PSG11: variants seen among roughly 807,000 people sequenced by gnomAD.
PSG11 encodes the protein pregnancy-specific beta-1-glycoprotein 11.
PSG11 carries 42 observed loss-of-function variants against 36.0 expected under a neutral mutation model. That is an observed-to-expected ratio of 1.17 (90% CI 0.91 to 1.51). The LOEUF is 1.51. Among genes scored for constraint, PSG11 ranks in the 40% most tolerant of loss-of-function variants. PSG11 has a pLI of 0.00. For missense variants in PSG11, 558 were observed against 403.5 expected (o/e 1.38, Z -3.28); for synonymous variants, 206 against 153.5 (o/e 1.34, Z -2.53).
chr19:43,023,280 T>C (rs1485658310), intron 2 of PSG11, among the ~76,000 whole-genome samples: 1 of 150,362 alleles, frequency 6.7e-6, no homozygotes, highest in African/African-American at 2.5e-5. Flanking sequence ...TCTAAAGAGG[T>C]TTTGGATCAT....
At chr19:43,019,914 C>T (rs1345368520) in intron 2 of PSG11, among the ~76,000 whole-genome samples, 4 of 151,434 alleles carry the variant, frequency 2.6e-5, no homozygotes, top group African/African-American at 9.7e-5. Flanking sequence ...GGAAGTCTGG[C>T]CCTCATGGAC....
In PSG11 at chr19:43,015,310, A is replaced by C; in HGVS notation, c.770T>G (p.Leu257Arg). Reference sequence around the variant, plus strand: ...AGAGTTTGCGAAGCAGGACAAGTCGAGGTTCTCTCCTGAATAGTAAGAGGT... The same window carrying C: ...AGAGTTTGCGAAGCAGGACAAGTCGCGGTTCTCTCCTGAATAGTAAGAGGT... Reference protein sequence around the residue: ...SVTSYYSGENLDLSCFANSNP... With the variant: ...SVTSYYSGENRDLSCFANSNP... The change falls in exon 4 of 6, where the codon CTC becomes CGC. Residue 257 changes from leucine to arginine, a missense_variant. Physicochemically the swap from Leu to Arg is moderately radical, Grantham distance 102 (BLOSUM62 -2). Coordinates refer to ENST00000320078, the MANE Select transcript of PSG11 (RefSeq NM_002785.3). The C allele has an allele frequency of 6.2e-7, 1 of 1,610,176 alleles. No homozygotes were observed. The highest frequency in any genetic ancestry group is 8.5e-7 in the Non-Finnish European group (1 of 1,177,292).
intron 2 of PSG11, 111 bp downstream of exon 2, chr19:43,024,580 G>C: frequency 6.3e-7 from 1 of 1,577,380 alleles, no homozygotes; most frequent in Admixed American, 1.7e-5. Context: ...CCCAGCATGG[G>C]ACATAATGCA....
Position 43,023,318 on chromosome 19 carries a change from G to C in PSG11, c.430+1373C>G, listed in dbSNP as rs1176304903. On this transcript the variant is annotated intron_variant, in intron 2 of 5. Coordinates refer to ENST00000320078, the MANE Select transcript of PSG11 (RefSeq NM_002785.3). ...ATTTCTTCATTCCATTCCTTCATTT[G>C]TTATGTGAGAGCTCCTGAGTGTGTG... Among the ~76,000 whole-genome samples, 4 of 150,746 alleles carry C rather than the reference G, an allele frequency of 2.7e-5. 1 individual carries two copies. The highest frequency in any genetic ancestry group is 9.8e-5 in the African/African-American group (4 of 40,746).
At position 43,008,438 on chromosome 19, in the gene PSG11, A is replaced by G. The variant is rs564781586; in HGVS notation, c.*41-396T>C. 2.0e-3 allele frequency among the ~76,000 whole-genome samples: 299 copies of G among 150,826 alleles called. 5 individuals carry two copies. Among genetic ancestry groups the G allele is most frequent in the African/African-American group, 7.2e-3 (293 of 40,844 alleles). On this transcript the variant is annotated intron_variant, in intron 5 of 5. Transcript: ENST00000320078. ...CAGGTGCCTGCCACCACACCCAGCT[A>G]ATTTTGTTTTTGCGTTTTTGGTAGA...
chr19:43,021,865 G>C (rs956079236), intron 2 of PSG11, among the ~76,000 whole-genome samples: 1 of 151,360 alleles, frequency 6.6e-6, no homozygotes, highest in Admixed American at 6.6e-5. Context: ...CTGCAGGCCT[G>C]TCCAGCCTCT....
intron 4 of PSG11, among the ~76,000 whole-genome samples, chr19:43,012,685 T>A (rs921673463): frequency 6.6e-6 from 1 of 151,498 alleles, no homozygotes; most frequent in African/African-American, 2.4e-5. Flanking sequence ...ATTGGAAGAC[T>A]CAATATTGTT....
At chr19:43,009,633 T>C (rs1974022357) in intron 5 of PSG11, among the ~76,000 whole-genome samples, 1 of 151,436 alleles carries the variant, frequency 6.6e-6, no homozygotes, top group Non-Finnish European at 1.5e-5. Context: ...GAGAAGTGGT[T>C]GAGCTTTATG....
At chr19:43,009,808 A>C (rs1390432858) in intron 5 of PSG11, 150 bp downstream of exon 5, 3 of 638,802 alleles carry the variant, frequency 4.7e-6, no homozygotes, top group African/African-American at 3.7e-5. Context: ...GCCAGGGAGA[A>C]AGGGAACTGC....
chr19:43,025,431 C>G (rs1237724875), intron 1 of PSG11: 1 of 237,350 alleles, frequency 4.2e-6, no homozygotes, highest in Non-Finnish European at 8.1e-6. Flanking sequence ...TTCAGGGACT[C>G]TGGGTCTTCC....
At chr19:43,024,639 G>A in intron 2 of PSG11, 52 bp downstream of exon 2, 2 of 1,609,298 alleles carry the variant, frequency 1.2e-6, no homozygotes, top group Non-Finnish European at 1.7e-6. Flanking sequence ...TGTGTGTGAT[G>A]TAGAAGTGAC....
At chr19:43,025,512 T>G (rs1967223011) in intron 1 of PSG11, among the ~76,000 whole-genome samples, 1 of 151,054 alleles carries the variant, frequency 6.6e-6, no homozygotes, top group African/African-American at 2.4e-5. Context: ...TCTAGATCTC[T>G]TTGCATGTCT....
At chr19:43,015,676 C>T (rs1966945332) in intron 3 of PSG11, 7 of 1,562,206 alleles carry the variant, frequency 4.5e-6, no homozygotes, top group Admixed American at 3.7e-5. Flanking sequence ...GTAAAGGTGT[C>T]TGTACTTGGA....
intron 3 of PSG11, 41 bp from the exon 4 acceptor site, chr19:43,015,411 G>A: frequency 6.3e-7 from 1 of 1,578,198 alleles, no homozygotes; most frequent in Non-Finnish European, 8.6e-7. Flanking sequence ...TGTCATCTGA[G>A]GGAAGGGGAA....
At chr19:43,023,122 T>C (rs536779768) in intron 2 of PSG11, among the ~76,000 whole-genome samples, 11 of 150,520 alleles carry the variant, frequency 7.3e-5, no homozygotes, top group East Asian at 3.9e-4. Context: ...GAGAACCCTC[T>C]GGTGGCCAAA....
chr19:43,024,208 G>A lies in PSG11; in HGVS notation c.430+483C>T, dbSNP rs73937306. ...GTCCTCAGACAGCTGGTAAATTCTT[G>A]GTCCCAGTAAGCCCTGCCCAAGAAG... On this transcript the variant is annotated intron_variant, in intron 2 of 5. Coordinates refer to ENST00000320078, the MANE Select transcript of PSG11 (RefSeq NM_002785.3). Among the ~76,000 whole-genome samples, 682 of 151,404 alleles carry A rather than the reference G, an allele frequency of 4.5e-3. 26 individuals carry two copies. The highest frequency in any genetic ancestry group is 0.016 in the African/African-American group (641 of 41,090).
chr19:43,021,446 G>C (rs113498025), intron 2 of PSG11, among the ~76,000 whole-genome samples: 31 of 151,176 alleles, frequency 2.1e-4, no homozygotes, highest in African/African-American at 7.6e-4. Flanking sequence ...CCACCTCCCG[G>C]GTTCACACCA....
rs1033301739 is a variant in PSG11 at position 43,008,098 on chromosome 19, T to A, written c.*41-56A>T. On this transcript the variant is annotated intron_variant, in intron 5 of 5. Transcript: ENST00000320078. ...TGATTTTAAATACTTTGAGGAAGAA[T>A]CAAAGCAACTTTCTGGGAATGACAA... 3.3e-5 allele frequency: 11 copies of A among 332,912 alleles called. 1 individual carries two copies. The highest frequency in any genetic ancestry group is 2.4e-4 in the African/African-American group (11 of 46,424). The allele number at this position is 332,912 out of a possible 1,614,324, so 20.6% of individuals were successfully genotyped here. A position where few individuals can be genotyped will look rare whatever the true frequency, so the allele number is the denominator to read the frequency against.
intron 2 of PSG11, among the ~76,000 whole-genome samples, chr19:43,020,969 C>T (rs1327983049): frequency 6.6e-6 from 1 of 151,260 alleles, no homozygotes; most frequent in East Asian, 1.9e-4. Context: ...GCCAATGGCT[C>T]ATGTGTCTCC....
Sources: allele counts gnomAD v4.1 joint callset (sites outside exome capture counted in the v4.1 genomes callset), GRCh38; gene constraint gnomAD v4.1.1; transcripts MANE v1.5; gene names NCBI Gene and HGNC (gene_info 2026-07-23, HGNC 2026-07-21).